TOM1L1: variants seen among roughly 807,000 people sequenced by gnomAD.
The protein encoded by TOM1L1 is target of myb1 like 1 membrane trafficking protein.
TOM1L1 carries 64 observed loss-of-function variants against 63.4 expected under a neutral mutation model. The ratio of observed to expected loss-of-function variants is 1.01; its 90% CI spans 0.83 to 1.24. The LOEUF is 1.24. Among genes scored for constraint, TOM1L1 ranks in the 50% most tolerant of loss-of-function variants. The probability of loss-of-function intolerance (pLI) is 0.00; values close to 1 mark genes in which losing one functional copy is unlikely to be tolerated. For synonymous variants in TOM1L1, 166 were observed against 194.4 expected, an observed-to-expected ratio of 0.85 and a Z score of 1.22; for missense variants, 536 against 567.0, an observed-to-expected ratio of 0.95 and a Z score of 0.55.
At chr17:54,960,380 A>T (rs1026185610) in intron 14 of TOM1L1, among the ~76,000 whole-genome samples, 186 bp from the exon 15 acceptor site, 3 of 152,202 alleles carry the variant, frequency 2.0e-5, no homozygotes, top group Admixed American at 6.5e-5. Context: ...AAAAGAAAAA[A>T]TGAAGTGCAA....
chr17:54,956,353 G>C lies in TOM1L1; in HGVS notation c.1371-4213G>C, dbSNP rs188543375. Among the ~76,000 whole-genome samples, 467 of 152,094 alleles carry C rather than the reference G, an allele frequency of 3.1e-3. 5 individuals are homozygous for C. Among genetic ancestry groups the C allele is most frequent in the African/African-American group, 0.01 (429 of 41,474 alleles). ...AGAGTGTCACTCTGTCATTAGGCTG[G>C]AGTATAGTGGGGGTGATCTCGGCTC... On this transcript the variant is annotated intron_variant, in intron 14 of 15. Transcript: ENST00000575882.
intron 7 of TOM1L1, among the ~76,000 whole-genome samples, chr17:54,926,867 A>G (rs566195774): frequency 5.9e-5 from 9 of 152,214 alleles, no homozygotes; most frequent in African/African-American, 2.2e-4. Flanking sequence ...TCATGAGCTT[A>G]TGTTCTATCC....
chr17:54,933,069 T>C (rs1460810033), intron 8 of TOM1L1, among the ~76,000 whole-genome samples: 4 of 152,202 alleles, frequency 2.6e-5, no homozygotes, highest in Non-Finnish European at 5.9e-5. Context: ...AAGATACTAG[T>C]CTCCTAGTTT....
At chr17:54,936,123 CA>C (rs745430182) in intron 8 of TOM1L1, among the ~76,000 whole-genome samples, 50 of 101,256 alleles carry the variant, frequency 4.9e-4, no homozygotes, top group Non-Finnish European at 4.5e-4. Flanking sequence ...AACTCCATCT[CA>C]AAAAAAAAAA....
At position 54,936,691 on chromosome 17, in the gene TOM1L1, C is replaced by T. The variant is rs1231639287; in HGVS notation, c.897C>T (p.Asn299=). Residue 299 remains asparagine (N), a synonymous_variant, in exon 9 of 16, where the codon AAC becomes AAT. Transcript: ENST00000575882. ...NQQRILEQNK[N]QKEATNTTSE... is the part of the protein sequence containing the mutation. ...AAAGGATTTTGGAGCAAAATAAGAA[C>T]CAGAAGGAAGCCACCAATGTAAGTG... The T allele has an allele frequency of 5.6e-6, 9 of 1,605,816 alleles. No individual in the cohort carries two copies. Among genetic ancestry groups the T allele is most frequent in the Non-Finnish European group, 7.6e-6 (9 of 1,177,272 alleles).
intron 14 of TOM1L1, chr17:54,958,038 AGTT>A: frequency 6.6e-6 from 1 of 152,224 alleles, no homozygotes; most frequent in East Asian, 1.9e-4. Context: ...TGCAATTCTT[AGTT>A]AAGTGAAAAG....
chr17:54,910,652 T>G (rs756942736), intron 3 of TOM1L1, among the ~76,000 whole-genome samples: 2 of 152,196 alleles, frequency 1.3e-5, no homozygotes, highest in Non-Finnish European at 2.9e-5. Flanking sequence ...TAATAATCCA[T>G]CAAGCTAAAT....
intron 11 of TOM1L1, among the ~76,000 whole-genome samples, chr17:54,941,364 G>A (rs943343414): frequency 8.5e-5 from 13 of 152,300 alleles, no homozygotes; most frequent in African/African-American, 2.6e-4. Context: ...AGAAAAAAGA[G>A]CAAAATATAA....
chr17:54,958,175 A>T (rs190182544), intron 14 of TOM1L1: 1 of 152,274 alleles, frequency 6.6e-6, no homozygotes, highest in African/African-American at 2.4e-5. Context: ...CAGGGAGCTC[A>T]GTACCAGATG....
intron 3 of TOM1L1, among the ~76,000 whole-genome samples, chr17:54,911,231 A>AGG (rs2048492262): frequency 1.3e-5 from 2 of 152,182 alleles, no homozygotes; most frequent in Admixed American, 1.3e-4. Context: ...ACTTTACCAA[A>AGG]GGGGTGCCTT....
intron 15 of TOM1L1, chr17:54,961,032 G>C: frequency 1.7e-6 from 1 of 586,964 alleles, no homozygotes; most frequent in Non-Finnish European, 3.0e-6. Context: ...CTAATCCCAT[G>C]TATTTACTAT....
rs1269148248 is a variant in TOM1L1, at chr17:54,919,880, C to G, written c.720+4018C>G. Among the ~76,000 whole-genome samples the G allele has an allele frequency of 2.0e-5, 3 of 152,024 alleles. No homozygotes were observed. In the East Asian group the frequency reaches 5.8e-4, roughly 29 times the overall value. On this transcript the variant is annotated intron_variant, in intron 7 of 15. Transcript: ENST00000575882. Reference sequence around the variant, plus strand: ...TTAAGTCTTCTATGGAGAAAAAGGACAAGAAGCATATCTGATTTAAGAATT... The same window carrying G: ...TTAAGTCTTCTATGGAGAAAAAGGAGAAGAAGCATATCTGATTTAAGAATT...
chr17:54,937,307 C>T (rs923671054), intron 10 of TOM1L1, 81 bp downstream of exon 10: 1 of 1,119,670 alleles, frequency 8.9e-7, no homozygotes, highest in Non-Finnish European at 1.4e-6. Flanking sequence ...GATTAAATAC[C>T]ACCTAAGAAG....
At chr17:54,919,045 T>G (rs1417206719) in intron 7 of TOM1L1, among the ~76,000 whole-genome samples, 1 of 152,210 alleles carries the variant, frequency 6.6e-6, no homozygotes, top group African/African-American at 2.4e-5. Context: ...GCAAGTCATT[T>G]ACTATCACTG....
intron 8 of TOM1L1, among the ~76,000 whole-genome samples, chr17:54,931,247 G>C (rs551686208): frequency 6.6e-6 from 1 of 152,234 alleles, no homozygotes; most frequent in East Asian, 1.9e-4. Flanking sequence ...ACTTTTCTAA[G>C]ATTTAAGTTT....
intron 3 of TOM1L1, 76 bp downstream of exon 3, chr17:54,905,643 A>ATG: frequency 1.1e-6 from 1 of 943,032 alleles, no homozygotes; most frequent in Non-Finnish European, 1.6e-6. Context: ...TGGGTAAAAA[A>ATG]TAAGAAGCAA....
chr17:54,922,858 A>G (rs892550523), intron 7 of TOM1L1, among the ~76,000 whole-genome samples: 15 of 152,046 alleles, frequency 9.9e-5, no homozygotes, highest in African/African-American at 3.4e-4. Flanking sequence ...ATTCCAATAC[A>G]TTTTCATTAC....
intron 7 of TOM1L1, among the ~76,000 whole-genome samples, chr17:54,922,318 TAAGG>T (rs1272632949): frequency 1.3e-5 from 2 of 150,012 alleles, no homozygotes; most frequent in Non-Finnish European, 3.0e-5. Flanking sequence ...AAGAAAATTG[TAAGG>T]AAGGCTAGGC....
chr17:54,950,023 TG>T, intron 13 of TOM1L1, 21 bp from the exon 14 acceptor site: 1 of 1,594,672 alleles, frequency 6.3e-7, no homozygotes, highest in Non-Finnish European at 8.6e-7. Flanking sequence ...ATATGTTTAC[TG>T]GTCTCTTTTT....
Sources: gnomAD v4.1 joint callset for allele counts (sites outside exome capture counted in the v4.1 genomes callset) on GRCh38, gnomAD v4.1.1 for gene constraint, MANE v1.5 for transcripts, NCBI Gene and HGNC (gene_info 2026-07-23, HGNC 2026-07-21) for gene names.